The following NAALADL2 variants were observed in gnomAD, a reference collection of about 807,000 sequenced individuals.
NAALADL2 encodes N-acetylated alpha-linked acidic dipeptidase like 2, also known as inactive N-acetylated-alpha-linked acidic dipeptidase-like protein 2.
NAALADL2 carries 76 observed loss-of-function variants against 87.2 expected under a neutral mutation model. That is an observed-to-expected ratio of 0.87 (90% CI 0.72 to 1.05). NAALADL2 has a LOEUF of 1.05. Among genes scored for constraint, NAALADL2 ranks in the 50% least tolerant of loss-of-function variants. The probability of loss-of-function intolerance (pLI) is 0.00; values close to 1 mark genes in which losing one functional copy is unlikely to be tolerated. For missense variants in NAALADL2, 1,089 were observed against 945.8 expected, an observed-to-expected ratio of 1.15 and a Z score of -1.99; for synonymous variants, 354 against 331.0, an observed-to-expected ratio of 1.07 and a Z score of -0.75.
intron 2 of NAALADL2, among the ~76,000 whole-genome samples, chr3:175,128,512 A>G (rs758070833): frequency 3.9e-5 from 6 of 151,920 alleles, no homozygotes; most frequent in Non-Finnish European, 7.4e-5. Flanking sequence ...CTGAGATTTC[A>G]TTTATTTGAT....
intron 1 of NAALADL2, among the ~76,000 whole-genome samples, chr3:174,997,825 C>G (rs886871604): frequency 7.0e-6 from 1 of 143,292 alleles, no homozygotes; most frequent in African/African-American, 2.8e-5. Flanking sequence ...TCAAAAAAAC[C>G]AAAAAGCAAA....
At chr3:174,530,841 C>G (rs555742996) in intron 1 of NAALADL2, among the ~76,000 whole-genome samples, 12 of 152,134 alleles carry the variant, frequency 7.9e-5, no homozygotes, top group Non-Finnish European at 1.3e-4. Flanking sequence ...AAAGGAGACT[C>G]CATCTCAAAA....
chr3:175,453,588 G>C (rs912817464), intron 6 of NAALADL2, among the ~76,000 whole-genome samples: 2 of 152,082 alleles, frequency 1.3e-5, no homozygotes, highest in Non-Finnish European at 2.9e-5. Context: ...ATTATGATAT[G>C]ATATTCTTCC....
At chr3:175,787,378 G>C (rs556448872) in intron 13 of NAALADL2, among the ~76,000 whole-genome samples, 2 of 152,212 alleles carry the variant, frequency 1.3e-5, no homozygotes, top group Admixed American at 6.5e-5. Context: ...CGTGGGCGTA[G>C]GACCCTCCGA....
chr3:175,636,216 G>A (rs1380565865), intron 11 of NAALADL2, among the ~76,000 whole-genome samples: 2 of 151,976 alleles, frequency 1.3e-5, no homozygotes, highest in African/African-American at 2.4e-5. Context: ...GTGTGTGTGC[G>A]TGTGTGTGCT....
chr3:174,727,921 T>A (rs1404246414), intron 2 of NAALADL2, among the ~76,000 whole-genome samples: 1 of 152,182 alleles, frequency 6.6e-6, no homozygotes, highest in African/African-American at 2.4e-5. Context: ...ATCTTTTCAC[T>A]GTCTCCATAG....
intron 3 of NAALADL2, among the ~76,000 whole-genome samples, chr3:175,239,498 A>G (rs1011514725): frequency 6.6e-6 from 1 of 152,236 alleles, no homozygotes; most frequent in Non-Finnish European, 1.5e-5. Context: ...AATATTTGCT[A>G]TACATTGGTC....
At chr3:174,860,732 C>T (rs535836067) in intron 1 of NAALADL2, among the ~76,000 whole-genome samples, 24 of 152,070 alleles carry the variant, frequency 1.6e-4, no homozygotes, top group Non-Finnish European at 2.6e-4. Flanking sequence ...AGGCCTCTTT[C>T]CATTTCACTC....
intron 1 of NAALADL2, among the ~76,000 whole-genome samples, chr3:174,483,604 A>C (rs1280523475): frequency 6.6e-6 from 1 of 152,040 alleles, no homozygotes; most frequent in Non-Finnish European, 1.5e-5. Context: ...AAAATCACAA[A>C]AGTAAGGAAT....
At chr3:175,771,400 A>G (rs1474353558) in intron 13 of NAALADL2, among the ~76,000 whole-genome samples, 1 of 152,226 alleles carries the variant, frequency 6.6e-6, no homozygotes, top group African/African-American at 2.4e-5. Flanking sequence ...TGTAAAAGGC[A>G]TAACCTAAAT....
At chr3:175,718,813 C>G in intron 11 of NAALADL2, 9 of 557,148 alleles carry the variant, frequency 1.6e-5, no homozygotes, top group Non-Finnish European at 2.7e-5. Context: ...CCACTGCACT[C>G]CAGCCTGGGC....
intron 2 of NAALADL2, among the ~76,000 whole-genome samples, chr3:175,178,752 GGGTTATGCTTTGAGGACCAGTGC>G (rs987123678): frequency 9.2e-5 from 14 of 151,954 alleles, no homozygotes; most frequent in African/African-American, 3.1e-4. Context: ...GCTGGTCCAG[GGGTTATGCTTTGAGGACCAGTGC>G]TTGAAATCTT....
intron 1 of NAALADL2, among the ~76,000 whole-genome samples, chr3:174,530,398 C>A (rs938464273): frequency 1.3e-5 from 2 of 152,122 alleles, no homozygotes; most frequent in African/African-American, 4.8e-5. Flanking sequence ...TCCCAACTTT[C>A]CCAAATTTTC....
At chr3:175,744,176 T>C (rs1745618233) in intron 12 of NAALADL2, among the ~76,000 whole-genome samples, 1 of 152,206 alleles carries the variant, frequency 6.6e-6, no homozygotes, top group Admixed American at 6.5e-5. Flanking sequence ...TTAATAGTTA[T>C]ACCTAAGCGT....
intron 1 of NAALADL2, among the ~76,000 whole-genome samples, chr3:174,467,596 TAAAAAAAAAAAAA>T (rs58227642): frequency 1.7e-5 from 1 of 59,602 alleles, no homozygotes; most frequent in African/African-American, 7.5e-5. Context: ...CCATCTCAGT[TAAAAAAAAAAAAA>T]AAAAAAAAAA....
chr3:174,510,632 C>A (rs569412569), intron 1 of NAALADL2, among the ~76,000 whole-genome samples: 1 of 151,856 alleles, frequency 6.6e-6, no homozygotes, highest in African/African-American at 2.4e-5. Context: ...TGTATTGATT[C>A]TTTTAAATAA....
At chr3:174,795,170 T>G (rs112429028) in intron 3 of NAALADL2, among the ~76,000 whole-genome samples, 16,912 of 151,048 alleles carry the variant, frequency 0.11, 1,225 homozygotes, top group Non-Finnish European at 0.15. Context: ...ATTTTTTTTG[T>G]ATTTTTTGTA....
chr3:175,422,756 G>A (rs575410027), intron 5 of NAALADL2, among the ~76,000 whole-genome samples: 13 of 152,042 alleles, frequency 8.6e-5, no homozygotes, highest in Admixed American at 2.6e-4. Flanking sequence ...TAGTCATCAG[G>A]TAAGAGGACT....
At chr3:175,305,386 G>C (rs1255093536) in intron 4 of NAALADL2, among the ~76,000 whole-genome samples, 1 of 151,972 alleles carries the variant, frequency 6.6e-6, no homozygotes, top group East Asian at 1.9e-4. Context: ...TTCAGAATTT[G>C]TCCAATTCTG....
Sources: gnomAD v4.1 joint callset for allele counts (sites outside exome capture counted in the v4.1 genomes callset) on GRCh38, gnomAD v4.1.1 for gene constraint, MANE v1.5 for transcripts, NCBI Gene and HGNC (gene_info 2026-07-23, HGNC 2026-07-21) for gene names.